The following PDLIM5 variants were observed in gnomAD, a reference collection of about 807,000 sequenced individuals.
The protein encoded by PDLIM5 is PDZ and LIM domain protein 5.
In PDLIM5, 34 loss-of-function variants were observed where a neutral mutation model predicts 64.2. That is an observed-to-expected ratio of 0.53 (90% CI 0.40 to 0.71). The LOEUF is 0.71. Ranked by LOEUF, PDLIM5 falls within the 30% of genes least tolerant of loss-of-function variation. The pLI is 0.00. For synonymous variants in PDLIM5, 253 were observed against 269.1 expected (o/e 0.94, Z 0.59); for missense variants, 683 against 733.6 (o/e 0.93, Z 0.80).
intron 2 of PDLIM5, among the ~76,000 whole-genome samples, chr4:94,498,657 T>A (rs2126129385): frequency 6.6e-6 from 1 of 152,354 alleles, no homozygotes; most frequent in Admixed American, 6.5e-5. Context: ...TGATGCTTAA[T>A]GGATGTGTAC....
chr4:94,601,460 T>A (rs968998062), intron 7 of PDLIM5, among the ~76,000 whole-genome samples: 1 of 152,184 alleles, frequency 6.6e-6, no homozygotes, highest in African/African-American at 2.4e-5. Flanking sequence ...AAATAATAAG[T>A]TCCAATTCCT....
chr4:94,655,153 T>C (rs1742114131), intron 10 of PDLIM5, among the ~76,000 whole-genome samples: 1 of 152,192 alleles, frequency 6.6e-6, no homozygotes, highest in South Asian at 2.1e-4. Context: ...TTTAAAAATA[T>C]AACCTCAGTT....
rs562656637 is a variant in PDLIM5 at position 94,605,991 on chromosome 4, G to A, written c.921-12013G>A. ...ATATTTATTTAAAGGTATTTTGGGA[G>A]CACTATTCATTTCTTTCAAGTTATC... On this transcript the variant is annotated intron_variant, in intron 7 of 12. Transcript: ENST00000317968. 5.0e-3 allele frequency among the ~76,000 whole-genome samples: 755 copies of A among 151,522 alleles called. 4 individuals are homozygous for A. The highest frequency in any genetic ancestry group is 5.6e-3 in the Non-Finnish European group (383 of 67,898).
intron 7 of PDLIM5, among the ~76,000 whole-genome samples, chr4:94,588,495 G>A (rs1736421805): frequency 6.6e-6 from 1 of 151,976 alleles, no homozygotes; most frequent in Admixed American, 6.6e-5. Context: ...CCCGGGAGGC[G>A]AAGGTTGCGG....
In PDLIM5 at chr4:94,657,544, A is replaced by G; in HGVS notation, c.1582A>G (p.Thr528Ala). 1 of 1,610,034 alleles carries G rather than the reference A, an allele frequency of 6.2e-7. No homozygotes were observed. Among genetic ancestry groups the G allele is most frequent in the Non-Finnish European group, 8.5e-7 (1 of 1,176,844 alleles). Residue 528 changes from threonine to alanine, a missense_variant, in exon 11 of 13, where the codon ACT becomes GCT. Coordinates refer to ENST00000317968, the MANE Select transcript of PDLIM5 (RefSeq NM_006457.5). ...HLEDGEPYCE[T>A]DYYALFGTIC... The stretch of plus-strand genomic sequence containing the variant: ...GGAGGATGGTGAACCCTACTGTGAG[A>G]CTGGTAAGATCAGGGAGCCATTTGT...
At chr4:94,586,323 A>C (rs1311340638) in intron 6 of PDLIM5, 85 bp from the exon 7 acceptor site, 1 of 722,696 alleles carries the variant, frequency 1.4e-6, no homozygotes, top group Admixed American at 2.3e-5. Context: ...TGAACATTTG[A>C]TATTGATTGG....
intron 2 of PDLIM5, among the ~76,000 whole-genome samples, chr4:94,476,970 T>C (rs1244634345): frequency 6.6e-6 from 1 of 152,200 alleles, no homozygotes; most frequent in African/African-American, 2.4e-5. Flanking sequence ...CAATTATAAA[T>C]ATAAACTGTT....
intron 7 of PDLIM5, among the ~76,000 whole-genome samples, chr4:94,612,082 G>T (rs1325152670): frequency 6.6e-6 from 1 of 152,118 alleles, no homozygotes; most frequent in East Asian, 1.9e-4. Flanking sequence ...GCCGGGTGTG[G>T]CAGTGGGTGC....
intron 1 of PDLIM5, among the ~76,000 whole-genome samples, chr4:94,454,733 C>T (rs1723173819): frequency 6.6e-6 from 1 of 152,196 alleles, no homozygotes; most frequent in South Asian, 2.1e-4. Flanking sequence ...AACAGCTTCT[C>T]ATTGTAAAGA....
At chr4:94,578,400 T>A (rs976878689) in intron 5 of PDLIM5, among the ~76,000 whole-genome samples, 1 of 152,218 alleles carries the variant, frequency 6.6e-6, no homozygotes, top group Admixed American at 6.5e-5. Context: ...GAAAAGAGAT[T>A]ACTACATATT....
At chr4:94,587,510 A>C (rs1736331157) in intron 7 of PDLIM5, 1 of 896,488 alleles carries the variant, frequency 1.1e-6, no homozygotes, top group Admixed American at 6.2e-5. Flanking sequence ...TTTTAAGTTC[A>C]TTATTATGTT....
chr4:94,457,271 A>C, intron 2 of PDLIM5: 1 of 493,800 alleles, frequency 2.0e-6, no homozygotes, highest in Non-Finnish European at 2.6e-6. Context: ...CCTTGATTTC[A>C]GTTAATTAGA....
At chr4:94,619,645 A>C (rs1242507509) in intron 8 of PDLIM5, among the ~76,000 whole-genome samples, 1 of 152,116 alleles carries the variant, frequency 6.6e-6, no homozygotes, top group Non-Finnish European at 1.5e-5. Flanking sequence ...ATCTCAAAAA[A>C]AAAAAGAGAG....
chr4:94,460,069 G>A (rs1723741181), intron 2 of PDLIM5, among the ~76,000 whole-genome samples: 1 of 152,110 alleles, frequency 6.6e-6, no homozygotes, highest in Non-Finnish European at 1.5e-5. Context: ...TTCCCTCCAA[G>A]CTACCCTGTC....
At chr4:94,453,052 A>T (rs1029622205) in intron 1 of PDLIM5, among the ~76,000 whole-genome samples, 1 of 151,366 alleles carries the variant, frequency 6.6e-6, no homozygotes, top group Non-Finnish European at 1.5e-5. Context: ...CTCCCCTCTC[A>T]CCCACTAATG....
At position 94,561,832 on chromosome 4, in the gene PDLIM5, A is replaced by G. The variant is rs531761884; in HGVS notation, c.249-11519A>G. ...AGGGGAAATCTCTCTTGTCTAGTTC[A>G]GTTTTATAAGCACTTGCTACAGGAT... On this transcript the variant is annotated intron_variant, in intron 3 of 12. Coordinates refer to ENST00000317968, the MANE Select transcript of PDLIM5 (RefSeq NM_006457.5). 3.9e-5 allele frequency among the ~76,000 whole-genome samples: 6 copies of G among 152,318 alleles called. No homozygotes were observed. In the East Asian group the frequency reaches 1.2e-3, roughly 29 times the overall value.
intron 5 of PDLIM5, among the ~76,000 whole-genome samples, chr4:94,577,581 CTTTTTTTT>C (rs11349007): frequency 4.7e-5 from 5 of 106,858 alleles, no homozygotes; most frequent in African/African-American, 1.8e-4. Context: ...TGGTCGTAAT[CTTTTTTTT>C]TTTTTTTTTT....
intron 8 of PDLIM5, among the ~76,000 whole-genome samples, chr4:94,627,030 G>C (rs1200829667): frequency 6.6e-6 from 1 of 152,156 alleles, no homozygotes; most frequent in East Asian, 1.9e-4. Flanking sequence ...AAGATGGATA[G>C]ATTTATTGGT....
chr4:94,493,372 C>T (rs953230818), intron 2 of PDLIM5, among the ~76,000 whole-genome samples: 1 of 151,410 alleles, frequency 6.6e-6, no homozygotes, highest in Non-Finnish European at 1.5e-5. Flanking sequence ...AGTACAGTGG[C>T]GAGATCTCAG....
Sources: allele counts gnomAD v4.1 joint callset (sites outside exome capture counted in the v4.1 genomes callset), GRCh38; gene constraint gnomAD v4.1.1; transcripts MANE v1.5; gene names NCBI Gene and HGNC (gene_info 2026-07-23, HGNC 2026-07-21).